Variants in NOP2 observed in about 807,000 individuals in gnomAD.
The protein encoded by NOP2 is 28S rRNA (cytosine(4447)-C(5))-methyltransferase.
NOP2 carries 7 observed loss-of-function variants against 72.7 expected under a neutral mutation model. That is an observed-to-expected ratio of 0.10 (90% confidence interval 0.05 to 0.18). The LOEUF (loss-of-function observed/expected upper bound fraction) is 0.18. NOP2 is among the 10% of genes least tolerant of loss of function. The probability of loss-of-function intolerance (pLI) is 1.00; values close to 1 mark genes in which losing one functional copy is unlikely to be tolerated. For synonymous variants in NOP2, 387 were observed against 388.0 expected, an observed-to-expected ratio of 1.00 and a Z score of 0.03; for missense variants, 954 against 1,014.7, an observed-to-expected ratio of 0.94 and a Z score of 0.81.
At chr12:6,567,658 C>T in intron 2 of NOP2, 158 bp downstream of exon 2, 1 of 597,362 alleles carries the variant, frequency 1.7e-6, no homozygotes, top group Non-Finnish European at 2.9e-6. Flanking sequence ...TAAACAGTTC[C>T]CTACAATCTA....
chr12:6,558,908 T>C (rs766316292), intron 15 of NOP2, among the ~76,000 whole-genome samples: 3 of 152,150 alleles, frequency 2.0e-5, no homozygotes, highest in Non-Finnish European at 4.4e-5. Context: ...ATGTGAATTG[T>C]GATGAAGTGC....
rs182875583 is a variant in NOP2 at position 6,560,176 on chromosome 12, G to T, written c.1711C>A (p.Pro571Thr). 6.2e-7 allele frequency: 1 copy of T among 1,614,036 alleles called. No individual in the cohort carries two copies. The highest frequency in any genetic ancestry group is 8.5e-7 in the Non-Finnish European group (1 of 1,179,896). ...PSLRSTRRFY[P>T]HTHNMDGFFI... ...AACCCATCCATATTGTGGGTATGAG[G>T]GTAGAAGCGTCGGGTAGAACGCAGA... Residue 571 changes from proline to threonine, a missense_variant, in exon 15 of 16, where the codon CCT becomes ACT. Around this residue, in one of 3 missense-constraint regions of NOP2, gnomAD observed 187 missense variants for 276.2 expected, o/e 0.68. Coordinates refer to ENST00000322166, the MANE Select transcript of NOP2 (RefSeq NM_001258308.2). The surrounding 1 kb of genome is among the most constrained non-coding windows in gnomAD (Gnocchi z 5.0).
chr12:6,561,376 G>T (rs1396077404), intron 11 of NOP2, among the ~76,000 whole-genome samples: 1 of 152,172 alleles, frequency 6.6e-6, no homozygotes, highest in Non-Finnish European at 1.5e-5. Flanking sequence ...CACTGCCAAG[G>T]ACTTCTAAAC....
At chr12:6,564,426 C>T (rs1947728215) in intron 5 of NOP2, 1 of 167,144 alleles carries the variant, frequency 6.0e-6, no homozygotes, top group Non-Finnish European at 1.3e-5. Context: ...CCCTTGACTA[C>T]CATTCTGCCA....
At chr12:6,559,753 T>C (rs912001892) in intron 15 of NOP2, among the ~76,000 whole-genome samples, 7 of 152,214 alleles carry the variant, frequency 4.6e-5, no homozygotes, top group South Asian at 4.1e-4. Flanking sequence ...AGTGCTGAGA[T>C]TGCTGGACCA....
chr12:6,566,870 A>G (rs1308698361), intron 2 of NOP2, 48 bp from the exon 3 acceptor site: 8 of 1,484,904 alleles, frequency 5.4e-6, no homozygotes, highest in Non-Finnish European at 7.4e-6. Context: ...GGGGACATTA[A>G]AAATAAATGG....
rs368807770 is a variant in NOP2 at position 6,560,262 on chromosome 12, G to A, written c.1625C>T (p.Thr542Met). ...LKKRNVRLVP[T>M]GLDFGQEGFT... ...ACCTTCCTGGCCAAAGTCTAGGCCC[G>A]TGGGCACCAGTCGCACATTCCTCTT... is the stretch of plus-strand genomic sequence containing the variant. The change falls in exon 15 of 16, where the codon ACG becomes ATG. Residue 542 changes from threonine (T) to methionine (M), a missense_variant. Physicochemically the swap from Thr to Met is moderately conservative, Grantham distance 81. Around this residue, in one of 3 missense-constraint regions of NOP2, gnomAD observed 187 missense variants for 276.2 expected, o/e 0.68. Coordinates refer to ENST00000322166, the MANE Select transcript of NOP2 (RefSeq NM_001258308.2). The surrounding 1 kb of genome is among the most constrained non-coding windows in gnomAD (Gnocchi z 5.0). 1.2e-5 allele frequency: 19 copies of A among 1,613,862 alleles called. No homozygotes were observed. Among genetic ancestry groups the A allele is most frequent in the Admixed American group, 5.0e-5 (3 of 60,000 alleles).
At chr12:6,558,081 C>A in intron 15 of NOP2, 1 of 333,940 alleles carries the variant, frequency 3.0e-6, no homozygotes, top group Non-Finnish European at 5.5e-6. Flanking sequence ...GTGGAGGTTG[C>A]AATGAGCTGA....
chr12:6,568,202 C>T lies in NOP2; in HGVS notation c.-5+5G>A, dbSNP rs1947840299. On this transcript the variant is annotated splice_donor_5th_base_variant and intron_variant, in intron 1 of 15. Coordinates refer to ENST00000322166, the MANE Select transcript of NOP2 (RefSeq NM_001258308.2). ...TCTTCGTCCCCCAATTTCCTCTAGACCCACCAGAATGCGGGTTAATGTCCG... is the reference window on the plus strand; with the variant it reads ...TCTTCGTCCCCCAATTTCCTCTAGATCCACCAGAATGCGGGTTAATGTCCG... 2.5e-6 allele frequency: 1 copy of T among 403,874 alleles called. No individual in the cohort carries two copies. Among genetic ancestry groups the T allele is most frequent in the African/African-American group, 2.1e-5 (1 of 48,146 alleles). 25.0% of individuals were successfully genotyped at this position (403,874 alleles called of 1,614,324 possible). A position where few individuals can be genotyped will look rare whatever the true frequency, so the allele number is the denominator to read the frequency against.
Position 6,560,216 on chromosome 12 carries a change from C to T in NOP2, c.1671G>A (p.Arg557=). The change falls in exon 15 of 16, where the codon AGG becomes AGA. Residue 557 remains arginine (R), a synonymous_variant. Coordinates refer to ENST00000322166, the MANE Select transcript of NOP2 (RefSeq NM_001258308.2). This position sits in a 1 kb window ranked among gnomAD's most constrained non-coding sequence, Gnocchi z 5.0. ...TAGAACGCAGACTGGGGTGGAAGCG[C>T]CTTTCTCGAAAGCGGGTAAAACCTT... ...GQEGFTRFRE[R]RFHPSLRSTR... is the part of the protein sequence containing the mutation. The T allele has an allele frequency of 6.2e-7, 1 of 1,613,872 alleles. No homozygotes were observed. The highest frequency in any genetic ancestry group is 8.5e-7 in the Non-Finnish European group (1 of 1,179,858).
At chr12:6,562,382 C>T (rs901405545) in intron 9 of NOP2, among the ~76,000 whole-genome samples, 2 of 152,228 alleles carry the variant, frequency 1.3e-5, no homozygotes, top group South Asian at 2.1e-4. Flanking sequence ...TGGCCCATAC[C>T]CCACAACTCC....
At chr12:6,565,014 C>T (rs1003257591) in intron 5 of NOP2, among the ~76,000 whole-genome samples, 14 of 152,108 alleles carry the variant, frequency 9.2e-5, no homozygotes, top group African/African-American at 2.9e-4. Context: ...TGGGGACCTT[C>T]TCTTTTTATT....
chr12:6,560,867 T>G lies in NOP2; in HGVS notation c.1347+64A>C. 1 of 1,610,804 alleles carries G rather than the reference T, an allele frequency of 6.2e-7. No individual in the cohort carries two copies. Among genetic ancestry groups the G allele is most frequent in the East Asian group, 2.2e-5 (1 of 44,758 alleles). On this transcript the variant is annotated intron_variant, in intron 12 of 15. Coordinates refer to ENST00000322166, the MANE Select transcript of NOP2 (RefSeq NM_001258308.2). The surrounding 1 kb of genome is among the most constrained non-coding windows in gnomAD (Gnocchi z 5.0). ...ATTTACTAGGGTCGAGTCTAAACATTGAGGTCAGGAAGGGAGAAGGTCAAC... is the reference window on the plus strand; with the variant it reads ...ATTTACTAGGGTCGAGTCTAAACATGGAGGTCAGGAAGGGAGAAGGTCAAC...
rs1239040774 is a variant in NOP2, at chr12:6,563,726, T to C, written c.576A>G (p.Lys192=). Residue 192 remains lysine, a synonymous_variant, in exon 7 of 16, where the codon AAA becomes AAG. Coordinates refer to ENST00000322166, the MANE Select transcript of NOP2 (RefSeq NM_001258308.2). ...EEETEDEEEE[K]EVTPESGPPK... is the part of the protein sequence containing the mutation. ...GGGGGCCTGACTCAGGGGTCACTTCTTTCTCTTCCTCCTCGTCCTCGGTCT... is the reference window on the plus strand; with the variant it reads ...GGGGGCCTGACTCAGGGGTCACTTCCTTCTCTTCCTCCTCGTCCTCGGTCT... 7.4e-6 allele frequency: 12 copies of C among 1,613,518 alleles called. No homozygotes were observed. The highest frequency in any genetic ancestry group is 1.0e-5 in the Non-Finnish European group (12 of 1,179,666).
chr12:6,566,375 C>A (rs200848074), intron 4 of NOP2, 39 bp from the exon 5 acceptor site: 17 of 1,555,326 alleles, frequency 1.1e-5, no homozygotes, highest in Non-Finnish European at 1.4e-5. Context: ...GGCAGCCACA[C>A]ATTCCCTGGC....
chr12:6,563,534 G>C lies in NOP2; in HGVS notation c.689-20C>G, dbSNP rs374629394. 10 of 1,611,914 alleles carry C rather than the reference G, an allele frequency of 6.2e-6. No homozygotes were observed. In the African/African-American group the frequency reaches 1.3e-4, roughly 22 times the overall value. ...GGGCATGTGGGCCTGTTAAGGAACT[G>C]TGTCATGATGTCCTAAGGCCTGGAA... On this transcript the variant is annotated intron_variant, in intron 7 of 15. Transcript: ENST00000322166.
chr12:6,563,658 T>C lies in NOP2; in HGVS notation c.644A>G (p.Asp215Gly), dbSNP rs1472355261. The change falls in exon 7 of 16, where the codon GAT (aspartate) becomes GGT (glycine). Residue 215 changes from aspartate (D) to glycine (G), a missense_variant. Around this residue, in one of 3 missense-constraint regions of NOP2, gnomAD observed 498 missense variants for 478.3 expected, o/e 1.04. Transcript: ENST00000322166. ...AGGGGGCAGCACAAATGGTTCCTCA[T>C]CCACATTGATCTGCAGGCCCCCATC... ...EADGGLQINVDEEPFVLPPAG... is the reference protein window; with the variant it reads ...EADGGLQINVGEEPFVLPPAG... 10 of 1,613,470 alleles carry C rather than the reference T, an allele frequency of 6.2e-6. No individual in the cohort carries two copies. In the Admixed American group the frequency reaches 1.7e-4, roughly 27 times the overall value.
At position 6,563,173 on chromosome 12, in the gene NOP2, G is replaced by T. The variant is rs1234062744; in HGVS notation, c.889-3C>A. 1.3e-6 allele frequency: 2 copies of T among 1,584,622 alleles called. No individual in the cohort carries two copies. The highest frequency in any genetic ancestry group is 2.3e-5 in the East Asian group (1 of 43,434). On this transcript the variant is annotated splice_polypyrimidine_tract_variant and splice_region_variant and intron_variant, in intron 8 of 15. Coordinates refer to ENST00000322166, the MANE Select transcript of NOP2 (RefSeq NM_001258308.2). Reference sequence around the variant, plus strand: ...TTAGCTTCTAAGAACTCCACCAGCTGCGGGGCAAGACAGCAGGGAATAAGT... The same window carrying T: ...TTAGCTTCTAAGAACTCCACCAGCTTCGGGGCAAGACAGCAGGGAATAAGT...
intron 2 of NOP2, chr12:6,567,531 A>G (rs1248937821): frequency 1.6e-5 from 5 of 314,534 alleles, no homozygotes; most frequent in Admixed American, 5.0e-5. Flanking sequence ...CCAGCTTAAC[A>G]AAAACTTTTA....
Sources: gnomAD v4.1 joint callset for allele counts (sites outside exome capture counted in the v4.1 genomes callset) on GRCh38, gnomAD v4.1.1 for gene constraint, gnomAD v4.1.1 regional missense constraint, Gnocchi (gnomAD v3.1) non-coding constraint, MANE v1.5 for transcripts, NCBI Gene and HGNC (gene_info 2026-07-23, HGNC 2026-07-21) for gene names.